The following CRYBG1 variants were observed in gnomAD, a reference collection of about 807,000 sequenced individuals.
CRYBG1 encodes the protein beta/gamma crystallin domain-containing protein 1.
In CRYBG1, 139 loss-of-function variants were observed where a neutral mutation model predicts 189.2. The observed-to-expected ratio is 0.73, with a 90% CI of 0.64 to 0.85. The LOEUF (loss-of-function observed/expected upper bound fraction) is 0.85, where lower values mean the gene tolerates loss of function less well. CRYBG1 is among the 40% of genes least tolerant of loss of function. The pLI, the probability that CRYBG1 is intolerant of heterozygous loss-of-function variation, is 0.00. For synonymous variants in CRYBG1, 1,023 were observed against 1,017.1 expected, an observed-to-expected ratio of 1.01 and a Z score of -0.11; for missense variants, 2,611 against 2,675.8, an observed-to-expected ratio of 0.98 and a Z score of 0.53.
chr6:106,400,846 A>G (rs1770707663), intron 1 of CRYBG1, among the ~76,000 whole-genome samples: 1 of 152,210 alleles, frequency 6.6e-6, no homozygotes, highest in African/African-American at 2.4e-5. Context: ...CACAAAAGAC[A>G]CATGTGAACT....
At chr6:106,560,679 T>C (rs893154166) in intron 18 of CRYBG1, 124 bp from the exon 19 acceptor site, 23 of 1,163,240 alleles carry the variant, frequency 2.0e-5, no homozygotes, top group East Asian at 1.4e-4. Flanking sequence ...AGATCATTTT[T>C]CCCCCAATGT....
chr6:106,468,078 A>G (rs1020909212), intron 2 of CRYBG1, among the ~76,000 whole-genome samples: 1 of 152,204 alleles, frequency 6.6e-6, no homozygotes, highest in Admixed American at 6.5e-5. Context: ...ATTAAACTGA[A>G]AAAAGACAAA....
intron 2 of CRYBG1, among the ~76,000 whole-genome samples, chr6:106,452,464 C>T (rs1344695833): frequency 6.6e-6 from 1 of 150,998 alleles, no homozygotes; most frequent in Non-Finnish European, 1.5e-5. Flanking sequence ...ATGAACTTGA[C>T]TCTTTGCTTT....
intron 2 of CRYBG1, among the ~76,000 whole-genome samples, chr6:106,493,832 A>G (rs1486793068): frequency 6.6e-6 from 1 of 152,168 alleles, no homozygotes; most frequent in Non-Finnish European, 1.5e-5. Context: ...AGAATCAGGA[A>G]GAATAGCTAA....
chr6:106,471,489 T>C (rs2114467366), intron 2 of CRYBG1, among the ~76,000 whole-genome samples: 1 of 152,324 alleles, frequency 6.6e-6, no homozygotes, highest in Non-Finnish European at 1.5e-5. Flanking sequence ...GTCTCCTCTA[T>C]AAATTATTCA....
At chr6:106,541,362 C>T (rs1420364052) in intron 9 of CRYBG1, 11 of 674,140 alleles carry the variant, frequency 1.6e-5, no homozygotes, top group African/African-American at 3.6e-5. Context: ...ACTCCTACAA[C>T]GCAGATCAGC....
intron 2 of CRYBG1, among the ~76,000 whole-genome samples, chr6:106,475,492 G>A (rs1772317141): frequency 6.6e-6 from 1 of 152,186 alleles, no homozygotes; most frequent in Non-Finnish European, 1.5e-5. Flanking sequence ...ACAGGCAGAT[G>A]AGGTGATATT....
rs766947431 is a variant in CRYBG1, at chr6:106,512,310, C to G, written c.1193C>G (p.Pro398Arg). ...GTGGACGAGCCGGTCGTGATTACTC[C>G]CAGAGCGGAAGATTGCGGTGACTGG... The part of the protein sequence containing the change: ...AQVDEPVVIT[P>R]RAEDCGDWDD... Residue 398 changes from proline (P) to arginine (R), a missense_variant, in exon 3 of 22, where the codon CCC becomes CGC. By Grantham distance (103) the Pro-to-Arg change is moderately radical. Transcript: ENST00000633556. 4.4e-6 allele frequency: 7 copies of G among 1,600,832 alleles called. No homozygotes were observed. The African/African-American group carries it at 9.3e-5, about 21-fold the overall frequency.
intron 21 of CRYBG1, 144 bp from the exon 22 acceptor site, chr6:106,568,328 C>G (rs1358794099): frequency 6.3e-6 from 4 of 639,820 alleles, no homozygotes; most frequent in Non-Finnish European, 8.1e-6. Context: ...CCAGGCTTCC[C>G]TCCCTGCCTT....
chr6:106,472,856 A>T (rs1286111594), intron 2 of CRYBG1, among the ~76,000 whole-genome samples: 1 of 150,946 alleles, frequency 6.6e-6, no homozygotes, highest in Non-Finnish European at 1.5e-5. Flanking sequence ...GTGAGCCAAG[A>T]TTGTGCCACT....
intron 2 of CRYBG1, among the ~76,000 whole-genome samples, chr6:106,488,709 G>T (rs1356394590): frequency 6.6e-6 from 1 of 152,224 alleles, no homozygotes; most frequent in African/African-American, 2.4e-5. Context: ...CTGCTGCACA[G>T]TTGGCTTGTG....
At chr6:106,563,727 T>C (rs1249185383) in intron 20 of CRYBG1, 37 bp from the exon 21 acceptor site, 5 of 1,574,330 alleles carry the variant, frequency 3.2e-6, no homozygotes, top group Middle Eastern at 1.7e-4. Flanking sequence ...TACAGCTGGA[T>C]ACATATTTAA....
At chr6:106,462,636 C>T (rs1772037104) in intron 2 of CRYBG1, among the ~76,000 whole-genome samples, 1 of 152,186 alleles carries the variant, frequency 6.6e-6, no homozygotes, top group Non-Finnish European at 1.5e-5. Flanking sequence ...AGCCACTTTC[C>T]TTTGGGCTGG....
chr6:106,512,026 G>T lies in CRYBG1; in HGVS notation c.909G>T (p.Glu303Asp), dbSNP rs1474832707. ...VRGAPGSPTQERPAGGLGEAP... is the reference protein window; with the variant it reads ...VRGAPGSPTQDRPAGGLGEAP... ...GTGCGCCAGGGTCGCCCACCCAGGAGCGGCCCGCGGGAGGACTAGGCGAGG... is the reference window on the plus strand; with the variant it reads ...GTGCGCCAGGGTCGCCCACCCAGGATCGGCCCGCGGGAGGACTAGGCGAGG... Residue 303 changes from glutamate to aspartate, a missense_variant, in exon 3 of 22, where the codon GAG becomes GAT. Coordinates refer to ENST00000633556, the MANE Select transcript of CRYBG1 (RefSeq NM_001371242.2). 6.5e-7 allele frequency: 1 copy of T among 1,530,390 alleles called. No homozygotes were observed. The highest frequency in any genetic ancestry group is 2.0e-5 in the Admixed American group (1 of 50,404). The allele number at this position is 1,530,390 out of a possible 1,614,324, so 94.8% of individuals were successfully genotyped here.
chr6:106,499,315 G>T (rs1772946183), intron 2 of CRYBG1, among the ~76,000 whole-genome samples: 4 of 139,524 alleles, frequency 2.9e-5, no homozygotes, highest in Admixed American at 2.1e-4. Context: ...ACCACACCCG[G>T]CTAATTTTTT....
intron 3 of CRYBG1, among the ~76,000 whole-genome samples, chr6:106,516,737 G>A (rs1280222734): frequency 6.6e-6 from 1 of 152,178 alleles, no homozygotes; most frequent in South Asian, 2.1e-4. Context: ...AGCCTATCTG[G>A]GGAACCAGAA....
intron 1 of CRYBG1, among the ~76,000 whole-genome samples, chr6:106,428,187 A>G (rs1320063672): frequency 1.3e-5 from 2 of 152,128 alleles, no homozygotes; most frequent in African/African-American, 2.4e-5. Context: ...AAGCTCCCTG[A>G]TGGTATTTTA....
intron 1 of CRYBG1, among the ~76,000 whole-genome samples, chr6:106,448,730 C>G (rs1334300919): frequency 6.6e-6 from 1 of 152,240 alleles, no homozygotes; most frequent in African/African-American, 2.4e-5. Context: ...TTTCTACCCT[C>G]TCCCTTCTCC....
At chr6:106,463,245 A>G (rs1374058972) in intron 2 of CRYBG1, among the ~76,000 whole-genome samples, 1 of 151,978 alleles carries the variant, frequency 6.6e-6, no homozygotes, top group Non-Finnish European at 1.5e-5. Context: ...GAAAGAAAAA[A>G]AAAAAAACAA....
Sources: gnomAD v4.1 joint callset for allele counts (sites outside exome capture counted in the v4.1 genomes callset) on GRCh38, gnomAD v4.1.1 for gene constraint, MANE v1.5 for transcripts, NCBI Gene and HGNC (gene_info 2026-07-23, HGNC 2026-07-21) for gene names.